The following RUNX2 variants were observed in gnomAD, a reference collection of about 807,000 sequenced individuals.
RUNX2 encodes the protein RUNX family transcription factor 2.
A neutral mutation model predicts 51.7 loss-of-function variants in RUNX2; 10 were observed. The ratio of observed to expected loss-of-function variants is 0.19; its 90% CI spans 0.12 to 0.33. RUNX2 has a LOEUF of 0.33. RUNX2 is among the 10% of genes least tolerant of loss of function. The probability of loss-of-function intolerance (pLI) is 1.00; values close to 1 mark genes in which losing one functional copy is unlikely to be tolerated. For synonymous variants in RUNX2, 276 were observed against 273.6 expected (o/e 1.01, Z -0.09); for missense variants, 562 against 691.3 (o/e 0.81, Z 2.10).
At chr6:45,391,738 G>T (rs1021055408) in intron 2 of RUNX2, among the ~76,000 whole-genome samples, 4 of 152,136 alleles carry the variant, frequency 2.6e-5, no homozygotes, top group African/African-American at 9.7e-5. Flanking sequence ...AGGGGAAAGA[G>T]CCCTTATAAA....
At chr6:45,478,336 T>A (rs1167913217) in intron 5 of RUNX2, among the ~76,000 whole-genome samples, 1 of 152,264 alleles carries the variant, frequency 6.6e-6, no homozygotes, top group East Asian at 1.9e-4. Context: ...ATAGTGGTTT[T>A]ACCTGTGTAG....
intron 2 of RUNX2, among the ~76,000 whole-genome samples, chr6:45,371,427 G>A (rs1362270383): frequency 7.0e-5 from 10 of 142,056 alleles, no homozygotes. Flanking sequence ...TACCCTACAA[G>A]ACAAGTATTC....
Position 45,549,480 on chromosome 6 carries a change from C to T in RUNX2, c.*2175C>T. On this transcript the variant is annotated 3_prime_UTR_variant, in exon 9 of 9. Transcript: ENST00000647337. ...TTCTAAAGGCCGTATACCAAGTATG[C>T]TTAGATAAATAAGCCACTTTTCTAT... 2.5e-6 allele frequency: 1 copy of T among 397,786 alleles called. No individual in the cohort carries two copies. The highest frequency in any genetic ancestry group is 1.4e-4 in the South Asian group (1 of 7,242). The allele number at this position is 397,786 out of a possible 1,614,324, so 24.6% of individuals were successfully genotyped here. A position where few individuals can be genotyped will look rare whatever the true frequency, so the allele number is the denominator to read the frequency against.
chr6:45,500,306 T>C (rs1800768505), intron 6 of RUNX2, among the ~76,000 whole-genome samples: 1 of 152,210 alleles, frequency 6.6e-6, no homozygotes, highest in Non-Finnish European at 1.5e-5. Flanking sequence ...AGTGTTTTCA[T>C]TTTAATGTAT....
chr6:45,353,421 A>G (rs893317904), intron 2 of RUNX2, among the ~76,000 whole-genome samples: 7 of 152,086 alleles, frequency 4.6e-5, no homozygotes, highest in African/African-American at 1.4e-4. Flanking sequence ...ATAATAACTA[A>G]AATAATGCAG....
At chr6:45,412,780 T>C (rs1418712059) in intron 2 of RUNX2, among the ~76,000 whole-genome samples, 1 of 152,164 alleles carries the variant, frequency 6.6e-6, no homozygotes, top group Non-Finnish European at 1.5e-5. Flanking sequence ...AGTCTCGCTC[T>C]GTCATCCAGG....
Position 45,422,712 on chromosome 6 carries a change from C to T in RUNX2, c.178C>T (p.Gln60Ter). The T allele has an allele frequency of 6.3e-7, 1 of 1,589,450 alleles. No individual in the cohort carries two copies. Among genetic ancestry groups the T allele is most frequent in the Non-Finnish European group, 8.6e-7 (1 of 1,168,730 alleles). The change falls in exon 3 of 9, where the codon CAG becomes TAG. Residue 60 changes from glutamine (Q) to a stop codon, truncating the protein, a stop_gained. Coordinates refer to ENST00000647337, the MANE Select transcript of RUNX2 (RefSeq NM_001024630.4). LOFTEE classifies it high-confidence loss of function. ...GCAGCAACAGCAGCAGCAGCAACAG[C>T]AGCAGCAGCAGCAGCAACAGCAGCA... is the stretch of plus-strand genomic sequence containing the variant. Reference protein sequence around the residue: ...QQQQQQQQQQQQQQQQQQQQQ... With the variant: ...QQQQQQQQQQ
At chr6:45,433,758 C>A (rs899630186) in intron 4 of RUNX2, among the ~76,000 whole-genome samples, 2 of 152,042 alleles carry the variant, frequency 1.3e-5, no homozygotes, top group Admixed American at 1.3e-4. Context: ...TGAGTTTTGG[C>A]TGGTTTCCCA....
At chr6:45,461,758 T>G (rs969944101) in intron 5 of RUNX2, among the ~76,000 whole-genome samples, 9 of 152,194 alleles carry the variant, frequency 5.9e-5, no homozygotes, top group Non-Finnish European at 1.3e-4. Context: ...TACTATTTTT[T>G]TTTTTTGTTT....
chr6:45,404,116 C>T (rs550319739), intron 2 of RUNX2, among the ~76,000 whole-genome samples: 10 of 151,416 alleles, frequency 6.6e-5, no homozygotes, highest in African/African-American at 1.5e-4. Flanking sequence ...AAAAATTAGC[C>T]GGGTGCGGTG....
At chr6:45,504,745 G>C (rs889933890) in intron 6 of RUNX2, among the ~76,000 whole-genome samples, 1 of 152,210 alleles carries the variant, frequency 6.6e-6, no homozygotes, top group Non-Finnish European at 1.5e-5. Flanking sequence ...TGGCAAATCT[G>C]CTCCTCTGTG....
At chr6:45,342,547 C>T (rs868722168) in intron 2 of RUNX2, among the ~76,000 whole-genome samples, 1 of 152,152 alleles carries the variant, frequency 6.6e-6, no homozygotes. Flanking sequence ...GCATAAGCCA[C>T]GACACCCAGC....
chr6:45,483,826 G>GCA (rs1252158569), intron 5 of RUNX2, among the ~76,000 whole-genome samples: 1 of 152,200 alleles, frequency 6.6e-6, no homozygotes, highest in Non-Finnish European at 1.5e-5. Flanking sequence ...TTGAGCAAAG[G>GCA]CACAGGGTGT....
intron 2 of RUNX2, among the ~76,000 whole-genome samples, chr6:45,384,426 G>A (rs964690312): frequency 6.6e-6 from 1 of 151,496 alleles, no homozygotes; most frequent in Non-Finnish European, 1.5e-5. Flanking sequence ...CTGGGACTAC[G>A]GGCATGCACC....
chr6:45,338,921 T>C (rs2150123043), intron 2 of RUNX2, among the ~76,000 whole-genome samples: 1 of 152,230 alleles, frequency 6.6e-6, no homozygotes, highest in Middle Eastern at 3.4e-3. Flanking sequence ...ATACAAATTC[T>C]AGTCCTGAGC....
At chr6:45,545,140 C>T in intron 7 of RUNX2, 77 bp from the exon 8 acceptor site, 6 of 1,233,328 alleles carry the variant, frequency 4.9e-6, no homozygotes, top group South Asian at 2.6e-5. Context: ...TGTTGCTTCT[C>T]CTTCTCTCTT....
At chr6:45,456,580 C>T (rs980332974) in intron 5 of RUNX2, among the ~76,000 whole-genome samples, 1 of 152,036 alleles carries the variant, frequency 6.6e-6, no homozygotes, top group Non-Finnish European at 1.5e-5. Flanking sequence ...GTATGCTAAT[C>T]GAATAAGAAT....
chr6:45,392,994 A>G (rs1797503295), intron 2 of RUNX2, among the ~76,000 whole-genome samples: 1 of 152,134 alleles, frequency 6.6e-6, no homozygotes, highest in Non-Finnish European at 1.5e-5. Flanking sequence ...TGAGCCCATC[A>G]AAAGCATTCT....
Position 45,547,389 on chromosome 6 carries a change from TA to T in RUNX2, c.*85del. 1 of 1,097,548 alleles carries T rather than the reference TA, an allele frequency of 9.1e-7. No homozygotes were observed. The highest frequency in any genetic ancestry group is 1.4e-6 in the Non-Finnish European group (1 of 718,978). 68.0% of individuals were successfully genotyped at this position (1,097,548 alleles called of 1,614,324 possible). A position where few individuals can be genotyped will look rare whatever the true frequency, so the allele number is the denominator to read the frequency against. On this transcript the variant is annotated 3_prime_UTR_variant, in exon 9 of 9. Transcript: ENST00000647337. ...TACATATATAGAGAGAGTGCATATA[TA>T]TGTATATCGATTAGCTATCTACAAA... is the stretch of plus-strand genomic sequence containing the variant.
Sources: allele counts gnomAD v4.1 joint callset (sites outside exome capture counted in the v4.1 genomes callset), GRCh38; gene constraint gnomAD v4.1.1; transcripts MANE v1.5; gene names NCBI Gene and HGNC (gene_info 2026-07-23, HGNC 2026-07-21).